FAM107B: variants seen among roughly 807,000 people sequenced by gnomAD.
FAM107B encodes the protein family with sequence similarity 107 member B.
In FAM107B, 21 loss-of-function variants were observed where a neutral mutation model predicts 31.5. The ratio of observed to expected loss-of-function variants is 0.67; its 90% confidence interval spans 0.47 to 0.96. FAM107B has a LOEUF of 0.96. Among genes scored for constraint, FAM107B ranks in the 40% least tolerant of loss-of-function variants. The pLI is 0.00. For missense variants in FAM107B, 452 were observed against 377.1 expected, an observed-to-expected ratio of 1.20 and a Z score of -1.64; for synonymous variants, 157 against 141.5, an observed-to-expected ratio of 1.11 and a Z score of -0.78.
intron 2 of FAM107B, among the ~76,000 whole-genome samples, chr10:14,558,714 G>A (rs981186437): frequency 6.6e-6 from 1 of 152,150 alleles, no homozygotes; most frequent in African/African-American, 2.4e-5. Flanking sequence ...TTGAGCAGGG[G>A]CCTTGCTAAG....
intron 1 of FAM107B, among the ~76,000 whole-genome samples, chr10:14,733,152 C>T (rs1197356818): frequency 6.7e-6 from 1 of 150,360 alleles, no homozygotes; most frequent in Non-Finnish European, 1.5e-5. Context: ...TATTCAGAAA[C>T]CAAATACATT....
chr10:14,537,106 C>T (rs965607553), intron 2 of FAM107B, among the ~76,000 whole-genome samples: 5 of 152,230 alleles, frequency 3.3e-5, no homozygotes, highest in East Asian at 3.9e-4. Context: ...CAATAGGTGG[C>T]GACACCTCCT....
intron 3 of FAM107B, among the ~76,000 whole-genome samples, chr10:14,526,304 G>C (rs1322936576): frequency 6.6e-6 from 1 of 152,178 alleles, no homozygotes; most frequent in Non-Finnish European, 1.5e-5. Flanking sequence ...CTCCCAAGTA[G>C]CTGGGACTAC....
At chr10:14,573,759 T>C (rs1484551126) in intron 2 of FAM107B, among the ~76,000 whole-genome samples, 2 of 151,944 alleles carry the variant, frequency 1.3e-5, no homozygotes, top group African/African-American at 4.8e-5. Context: ...TAAATAAGTT[T>C]CTTTTCTTTG....
chr10:14,601,009 C>G (rs1852378870), intron 2 of FAM107B, among the ~76,000 whole-genome samples: 1 of 152,228 alleles, frequency 6.6e-6, no homozygotes, highest in Non-Finnish European at 1.5e-5. Context: ...TCAAGCAGTC[C>G]TCCTGCTTCA....
intron 4 of FAM107B, among the ~76,000 whole-genome samples, 200 bp downstream of exon 4, chr10:14,521,669 G>A (rs994255468): frequency 3.9e-5 from 6 of 152,154 alleles, no homozygotes; most frequent in African/African-American, 9.7e-5. Context: ...TTTGCCTCTG[G>A]GATCTCTTTT....
Position 14,701,038 on chromosome 10 carries a change from C to T in FAM107B, c.412-33347G>A, listed in dbSNP as rs1201440853. 2.0e-5 allele frequency among the ~76,000 whole-genome samples: 3 copies of T among 152,090 alleles called. No individual in the cohort carries two copies. The East Asian group carries it at 5.8e-4, about 29-fold the overall frequency. ...TTTCCTTGGAAAACACTCTCTCCAC[C>T]ACTGCTTTTTTATGGAAGCATTGAA... On this transcript the variant is annotated intron_variant, in intron 1 of 4. Coordinates refer to ENST00000181796, the MANE Select transcript of FAM107B (RefSeq NM_031453.4).
intron 1 of FAM107B, among the ~76,000 whole-genome samples, chr10:14,672,599 T>C (rs1419793632): frequency 6.6e-6 from 1 of 152,204 alleles, no homozygotes; most frequent in Non-Finnish European, 1.5e-5. Flanking sequence ...CCATTCTATA[T>C]GGGGTCTGTT....
rs190173459 is a variant in FAM107B, at chr10:14,625,989, G to A, written c.469+41645C>T. Among the ~76,000 whole-genome samples the A allele has an allele frequency of 3.4e-3, 517 of 151,988 alleles. 1 individual carries two copies. Among genetic ancestry groups the A allele is most frequent in the Admixed American group, 0.011 (162 of 15,210 alleles). On this transcript the variant is annotated intron_variant, in intron 2 of 4. Coordinates refer to ENST00000181796, the MANE Select transcript of FAM107B (RefSeq NM_031453.4). ...AGAACATACAGCTTTGTACATCAAA[G>A]CAAAGCACATCCTCCTTCCTCATTA...
Position 14,522,009 on chromosome 10 carries a change from G to A in FAM107B, c.664C>T (p.Pro222Ser). The A allele has an allele frequency of 1.2e-6, 2 of 1,609,872 alleles. No homozygotes were observed. Among genetic ancestry groups the A allele is most frequent in the Non-Finnish European group, 1.7e-6 (2 of 1,179,082 alleles). Reference protein sequence around the residue: ...LLMNQKRGLAPQNKPELQKVM... With the variant: ...LLMNQKRGLASQNKPELQKVM... Reference sequence around the variant, plus strand: ...TTCTGCAATTCTGGTTTGTTCTGAGGAGCAAGACCCCTGCGAAAGAGCATT... The same window carrying A: ...TTCTGCAATTCTGGTTTGTTCTGAGAAGCAAGACCCCTGCGAAAGAGCATT... Residue 222 changes from proline to serine, a missense_variant, in exon 4 of 5, where the codon CCT becomes TCT. By Grantham distance (74) the Pro-to-Ser change is moderately conservative. Coordinates refer to ENST00000181796, the MANE Select transcript of FAM107B (RefSeq NM_031453.4).
At chr10:14,744,226 T>C (rs990231902) in intron 1 of FAM107B, among the ~76,000 whole-genome samples, 11 of 152,212 alleles carry the variant, frequency 7.2e-5, no homozygotes, top group Admixed American at 2.6e-4. Flanking sequence ...TGAAGTTGCT[T>C]ATCAGCTTAA....
At chr10:14,553,582 A>G (rs1849449897) in intron 2 of FAM107B, 1 of 314,322 alleles carries the variant, frequency 3.2e-6, no homozygotes, top group East Asian at 8.5e-5. Context: ...ACCACACAGG[A>G]AACTGGGCAA....
intron 2 of FAM107B, among the ~76,000 whole-genome samples, chr10:14,531,145 A>T (rs1004183286): frequency 2.0e-5 from 3 of 152,188 alleles, no homozygotes; most frequent in African/African-American, 7.2e-5. Context: ...AGCCTCTGTG[A>T]CCACCAATCA....
At chr10:14,684,506 G>C (rs114562619) in intron 1 of FAM107B, among the ~76,000 whole-genome samples, 2 of 151,962 alleles carry the variant, frequency 1.3e-5, no homozygotes, top group Non-Finnish European at 2.9e-5. Context: ...TTCATGAAGC[G>C]TCCAGCCTCA....
intron 1 of FAM107B, among the ~76,000 whole-genome samples, chr10:14,743,207 T>C (rs1328356142): frequency 1.3e-5 from 2 of 152,224 alleles, no homozygotes; most frequent in African/African-American, 4.8e-5. Context: ...GCCCACATTT[T>C]AATGGTTTTT....
chr10:14,726,673 G>C (rs1349426853), intron 1 of FAM107B, among the ~76,000 whole-genome samples: 1 of 152,146 alleles, frequency 6.6e-6, no homozygotes, highest in Non-Finnish European at 1.5e-5. Flanking sequence ...TTGCCCGAAA[G>C]TACCAGGGCA....
intron 1 of FAM107B, among the ~76,000 whole-genome samples, chr10:14,706,665 T>C (rs1855527302): frequency 6.6e-6 from 1 of 152,254 alleles, no homozygotes; most frequent in Non-Finnish European, 1.5e-5. Flanking sequence ...ATAGACATTG[T>C]AAGGCATAAA....
chr10:14,623,638 C>A (rs1181375025), intron 2 of FAM107B, among the ~76,000 whole-genome samples: 2 of 152,168 alleles, frequency 1.3e-5, no homozygotes, highest in African/African-American at 4.8e-5. Flanking sequence ...CCAGCCTGGC[C>A]AACATGGTGA....
intron 2 of FAM107B, among the ~76,000 whole-genome samples, chr10:14,547,828 G>T (rs1167384230): frequency 6.6e-6 from 1 of 152,200 alleles, no homozygotes; most frequent in South Asian, 2.1e-4. Flanking sequence ...ATAATTAAAA[G>T]AATTTAAGTT....
Sources: allele counts gnomAD v4.1 joint callset (sites outside exome capture counted in the v4.1 genomes callset), GRCh38; gene constraint gnomAD v4.1.1; transcripts MANE v1.5; gene names NCBI Gene and HGNC (gene_info 2026-07-23, HGNC 2026-07-21).